DORIP1: variants seen among roughly 807,000 people sequenced by gnomAD.
DORIP1 encodes dopamine receptor interacting protein 1.
the DORIP1 span, chr14:44,905,324 A>G: frequency 6.3e-6 from 8 of 1,279,106 alleles, no homozygotes; most frequent in Non-Finnish European, 7.5e-6. Context: ...TTATCTTAAC[A>G]AAGTATTAAA....
the DORIP1 span, among the ~76,000 whole-genome samples, chr14:44,899,801 A>C: frequency 6.8e-6 from 1 of 146,960 alleles, no homozygotes; most frequent in Non-Finnish European, 1.5e-5. Flanking sequence ...TAATGTTTTT[A>C]ATAGCTTTAT....
At chr14:44,903,569 C>T in the DORIP1 span, 1 of 1,052,674 alleles carries the variant, frequency 9.5e-7, no homozygotes, top group Non-Finnish European at 1.1e-6. Context: ...TTGGGACCCT[C>T]AATTATCTGG....
chr14:44,904,369 A>G, the DORIP1 span: 1 of 1,598,276 alleles, frequency 6.3e-7, no homozygotes, highest in Non-Finnish European at 8.5e-7. Context: ...AAGTGTAATA[A>G]TGTTCATGCC....
the DORIP1 span, chr14:44,903,434 G>A: frequency 7.0e-7 from 1 of 1,426,426 alleles, no homozygotes; most frequent in South Asian, 1.6e-5. Context: ...TTGTTACGGA[G>A]TATATCACTA....
chr14:44,903,098 T>G, the DORIP1 span: 1 of 723,944 alleles, frequency 1.4e-6, no homozygotes, highest in Non-Finnish European at 2.4e-6. Flanking sequence ...AAGGTTATAC[T>G]TGGTATAACT....
the DORIP1 span, among the ~76,000 whole-genome samples, chr14:44,902,651 C>T: frequency 1.3e-5 from 2 of 152,022 alleles, no homozygotes; most frequent in East Asian, 1.9e-4. Flanking sequence ...CTAGTTTCAT[C>T]TGTAAATATT....
the DORIP1 span, among the ~76,000 whole-genome samples, chr14:44,901,696 G>C: frequency 3.3e-5 from 5 of 152,188 alleles, 1 homozygote; most frequent in East Asian, 9.6e-4. Flanking sequence ...ATATGAACAA[G>C]AAAATTAAAA....
At chr14:44,903,255 TGA>T in the DORIP1 span, 30 of 1,613,504 alleles carry the variant, frequency 1.9e-5, no homozygotes, top group Non-Finnish European at 2.5e-5. Flanking sequence ...TGGCTGTGAA[TGA>T]GTTATTCTGT....
chr14:44,902,094 C>T, the DORIP1 span, among the ~76,000 whole-genome samples: 589 of 152,306 alleles, frequency 3.9e-3, 8 homozygotes, highest in African/African-American at 0.013. Context: ...ATTTGTTAAA[C>T]TTACATTTCT....
At chr14:44,904,329 C>A in the DORIP1 span, 1 of 1,549,262 alleles carries the variant, frequency 6.5e-7, no homozygotes, top group South Asian at 1.3e-5. Flanking sequence ...ATAAAGACAA[C>A]TCTGAAGTGT....
chr14:44,897,509 A>G, the DORIP1 span: 2 of 202,120 alleles, frequency 9.9e-6, no homozygotes, highest in South Asian at 1.5e-4. Flanking sequence ...CGGGCTCTCC[A>G]TGAGCAGGCG....
At chr14:44,905,741 T>A in the DORIP1 span, 1 of 364,084 alleles carries the variant, frequency 2.7e-6, no homozygotes, top group Non-Finnish European at 4.8e-6. Flanking sequence ...GTAATTTTTT[T>A]ATATTTCCTG....
chr14:44,906,253 A>T, the DORIP1 span: 1 of 152,016 alleles, frequency 6.6e-6, no homozygotes, highest in African/African-American at 2.4e-5. Context: ...AATAAATTAT[A>T]TAACTATCTT....
At chr14:44,901,063 A>G in the DORIP1 span, 2 of 1,114,696 alleles carry the variant, frequency 1.8e-6, no homozygotes, top group Non-Finnish European at 2.6e-6. Flanking sequence ...TCAACAAAGG[A>G]CCACATATGC....
At chr14:44,902,032 A>C in the DORIP1 span, among the ~76,000 whole-genome samples, 1 of 152,256 alleles carries the variant, frequency 6.6e-6, no homozygotes, top group Non-Finnish European at 1.5e-5. Flanking sequence ...TATGGTCCAG[A>C]AAAACAGCCT....
chr14:44,898,629 G>A, the DORIP1 span, among the ~76,000 whole-genome samples: 1 of 152,010 alleles, frequency 6.6e-6, no homozygotes, highest in Non-Finnish European at 1.5e-5. Flanking sequence ...TAAACAAAAC[G>A]AATCAGTATC....
the DORIP1 span, chr14:44,907,182 A>AT: frequency 6.6e-6 from 1 of 152,638 alleles, no homozygotes; most frequent in Admixed American, 6.5e-5. Flanking sequence ...TGTTGTGAGG[A>AT]TTAAGATGTT....
At chr14:44,902,808 G>T in the DORIP1 span, among the ~76,000 whole-genome samples, 2 of 151,756 alleles carry the variant, frequency 1.3e-5, no homozygotes, top group Non-Finnish European at 2.9e-5. Flanking sequence ...TAGAAAAAAA[G>T]TTTTTTTTAA....
At chr14:44,902,671 TAATGA>T in the DORIP1 span, among the ~76,000 whole-genome samples, 1 of 152,120 alleles carries the variant, frequency 6.6e-6, no homozygotes, top group East Asian at 1.9e-4. Context: ...TTTGAAACTA[TAATGA>T]AATATTTATA....
Sources: gnomAD v4.1 joint callset for allele counts (sites outside exome capture counted in the v4.1 genomes callset) on GRCh38, gnomAD v4.1.1 for gene constraint, MANE v1.5 for transcripts, NCBI Gene and HGNC (gene_info 2026-07-23, HGNC 2026-07-21) for gene names.